Variants in PARM1 observed in about 807,000 individuals in gnomAD.
PARM1 encodes the protein prostate androgen-regulated mucin-like protein 1, also known as WSC4, cell wall integrity and stress response component 4 homolog.
A neutral mutation model predicts 24.6 loss-of-function variants in PARM1; 14 were observed. The observed-to-expected ratio is 0.57, with a 90% CI of 0.38 to 0.89. The LOEUF (loss-of-function observed/expected upper bound fraction) is 0.89. Among genes scored for constraint, PARM1 ranks in the 40% least tolerant of loss-of-function variants. PARM1 has a pLI of 0.00. For missense variants in PARM1, 362 were observed against 380.4 expected, an observed-to-expected ratio of 0.95 and a Z score of 0.40; for synonymous variants, 179 against 156.6, an observed-to-expected ratio of 1.14 and a Z score of -1.07.
chr4:75,006,018 T>C (rs990565460), intron 1 of PARM1, among the ~76,000 whole-genome samples: 5 of 152,212 alleles, frequency 3.3e-5, no homozygotes, highest in Non-Finnish European at 7.3e-5. Flanking sequence ...CATTCACCTC[T>C]AACTGAGAAA....
At chr4:74,975,717 T>A (rs1427592541) in intron 1 of PARM1, among the ~76,000 whole-genome samples, 3 of 152,252 alleles carry the variant, frequency 2.0e-5, no homozygotes, top group Non-Finnish European at 4.4e-5. Context: ...GGCTTGAGTT[T>A]AATTTTTTAA....
chr4:75,042,896 T>C (rs1169964733), intron 3 of PARM1, among the ~76,000 whole-genome samples: 1 of 152,000 alleles, frequency 6.6e-6, no homozygotes, highest in Non-Finnish European at 1.5e-5. Context: ...CTTGTATATC[T>C]TTCCTCACTT....
intron 3 of PARM1, among the ~76,000 whole-genome samples, chr4:75,041,039 G>T (rs1723472943): frequency 1.3e-5 from 2 of 152,090 alleles, no homozygotes; most frequent in African/African-American, 4.8e-5. Context: ...CATGGACTTA[G>T]TAACATTCAC....
At chr4:75,033,062 G>A (rs1487622329) in intron 2 of PARM1, among the ~76,000 whole-genome samples, 3 of 152,170 alleles carry the variant, frequency 2.0e-5, no homozygotes, top group Non-Finnish European at 2.9e-5. Context: ...ATTCTTACAA[G>A]GGTACATGCT....
At chr4:74,944,000 C>T (rs1721362066) in intron 1 of PARM1, among the ~76,000 whole-genome samples, 1 of 152,124 alleles carries the variant, frequency 6.6e-6, no homozygotes. Flanking sequence ...AGAAGGGATG[C>T]AGAAGTCTTG....
intron 1 of PARM1, among the ~76,000 whole-genome samples, chr4:74,983,419 T>C (rs1223091308): frequency 6.6e-6 from 1 of 152,210 alleles, no homozygotes; most frequent in Non-Finnish European, 1.5e-5. Context: ...AAGGTCATTG[T>C]CACAGAACTT....
Position 75,027,182 on chromosome 4 carries a change from C to G in PARM1, c.770-6701C>G, listed in dbSNP as rs368519886. 5.9e-5 allele frequency among the ~76,000 whole-genome samples: 9 copies of G among 152,298 alleles called. No homozygotes were observed. The East Asian group carries it at 1.7e-3, about 29-fold the overall frequency. On this transcript the variant is annotated intron_variant, in intron 2 of 3. Transcript: ENST00000307428. ...TCACCTCTCTTACCTCCCTGCCTGC[C>G]TATCCCATCCAATCCTGCCCACCCC...
At chr4:74,977,190 T>C (rs1722154862) in intron 1 of PARM1, among the ~76,000 whole-genome samples, 1 of 152,178 alleles carries the variant, frequency 6.6e-6, no homozygotes, top group African/African-American at 2.4e-5. Flanking sequence ...TCTAACCCAA[T>C]GCAAACAAGC....
chr4:74,933,403 CGCGGG>C, intron 1 of PARM1, 33 bp downstream of exon 1: 1 of 1,602,240 alleles, frequency 6.2e-7, no homozygotes, highest in Non-Finnish European at 8.5e-7. Context: ...AAGGGCAGGT[CGCGGG>C]GTGGGCCCCA....
chr4:74,948,816 T>A (rs907250386), intron 1 of PARM1, among the ~76,000 whole-genome samples: 1 of 151,988 alleles, frequency 6.6e-6, no homozygotes. Context: ...AGGTCAGAAG[T>A]TCGAGACCAG....
chr4:74,990,353 A>T (rs1352793570), intron 1 of PARM1, among the ~76,000 whole-genome samples: 1 of 152,192 alleles, frequency 6.6e-6, no homozygotes, highest in Non-Finnish European at 1.5e-5. Flanking sequence ...ATTAGATAGT[A>T]ATCTCATGGA....
intron 1 of PARM1, among the ~76,000 whole-genome samples, chr4:74,935,011 C>CT (rs1721149869): frequency 6.2e-4 from 10 of 16,084 alleles, no homozygotes; most frequent in Non-Finnish European, 1.1e-3. Context: ...TTTTTTTTTT[C>CT]TTTTTTCTTT....
intron 1 of PARM1, among the ~76,000 whole-genome samples, chr4:74,998,061 T>C (rs1332402006): frequency 6.6e-6 from 1 of 152,196 alleles, no homozygotes; most frequent in Admixed American, 6.5e-5. Context: ...CAGAGTAGCA[T>C]TTTAATAGTT....
chr4:75,020,492 TCCC>T (rs34039245), intron 2 of PARM1, among the ~76,000 whole-genome samples: 12 of 141,782 alleles, frequency 8.5e-5, no homozygotes, highest in African/African-American at 2.5e-4. Flanking sequence ...GCCCCTCATT[TCCC>T]CCCCCCCGCA....
At chr4:75,046,013 C>T (rs891718604) in intron 3 of PARM1, 150 bp from the exon 4 acceptor site, 8 of 577,764 alleles carry the variant, frequency 1.4e-5, no homozygotes, top group African/African-American at 9.4e-5. Flanking sequence ...GGGGCCTCCA[C>T]GGTGGGTGGG....
intron 1 of PARM1, among the ~76,000 whole-genome samples, chr4:74,964,905 C>G (rs1721867039): frequency 6.6e-6 from 1 of 152,112 alleles, no homozygotes; most frequent in Non-Finnish European, 1.5e-5. Context: ...TTCTATTTCT[C>G]TTGAAAGTTT....
intron 1 of PARM1, chr4:74,969,592 T>A (rs1435668158): frequency 6.6e-6 from 1 of 152,200 alleles, no homozygotes; most frequent in Non-Finnish European, 1.5e-5. Flanking sequence ...CAGTCAGTGT[T>A]GCAAGAGGAA....
chr4:74,954,182 G>A (rs545976105), intron 1 of PARM1, among the ~76,000 whole-genome samples: 9 of 152,266 alleles, frequency 5.9e-5, no homozygotes, highest in African/African-American at 2.2e-4. Flanking sequence ...CTTCTGAGAT[G>A]GTATATGAAG....
intron 2 of PARM1, among the ~76,000 whole-genome samples, chr4:75,018,821 C>A (rs978084005): frequency 1.3e-5 from 2 of 152,218 alleles, no homozygotes; most frequent in Non-Finnish European, 2.9e-5. Context: ...GACTCAAATT[C>A]TCACTTGAGT....
Sources: gnomAD v4.1 joint callset for allele counts (sites outside exome capture counted in the v4.1 genomes callset) on GRCh38, gnomAD v4.1.1 for gene constraint, MANE v1.5 for transcripts, NCBI Gene and HGNC (gene_info 2026-07-23, HGNC 2026-07-21) for gene names.